The following CAST variants were observed in gnomAD, a reference collection of about 807,000 sequenced individuals.
CAST encodes MIR583 host.
CAST carries 76 observed loss-of-function variants against 119.6 expected under a neutral mutation model. That is an observed-to-expected ratio of 0.64 (90% CI 0.53 to 0.77). CAST has a LOEUF of 0.77. CAST is among the 30% of genes least tolerant of loss of function. CAST has a pLI of 0.00. For missense variants in CAST, 953 were observed against 946.5 expected, an observed-to-expected ratio of 1.01 and a Z score of -0.09; for synonymous variants, 319 against 331.6, an observed-to-expected ratio of 0.96 and a Z score of 0.41.
Position 96,593,849 on chromosome 5 carries a change from TG to T in CAST, c.60+63971del, listed in dbSNP as rs375928518. Among the ~76,000 whole-genome samples the T allele has an allele frequency of 7.7e-4, 118 of 152,358 alleles. 1 individual carries two copies. The South Asian group carries it at 0.024, about 31-fold the overall frequency. On this transcript the variant is annotated intron_variant, in intron 1 of 11. Coordinates refer to the CAST transcript ENST00000505143. ...CCTGACCACACTGGCACGCTGATCT[TG>T]GACTTACAGCCTCCAGAAGTGTGAG...
chr5:96,429,564 C>CGTATT, the CAST span, among the ~76,000 whole-genome samples: 1 of 152,104 alleles, frequency 6.6e-6, no homozygotes, highest in African/African-American at 2.4e-5. Flanking sequence ...GTATTAAGCC[C>CGTATT]AATACCCATT....
At chr5:96,502,219 C>T in the CAST span, among the ~76,000 whole-genome samples, 13 of 152,152 alleles carry the variant, frequency 8.5e-5, no homozygotes, top group Non-Finnish European at 7.4e-5. Flanking sequence ...AAAAATAACA[C>T]ATAATTCTAC....
the CAST span, among the ~76,000 whole-genome samples, chr5:96,035,041 G>GTATATATA: frequency 2.0e-4 from 22 of 107,982 alleles, 1 homozygote; most frequent in African/African-American, 7.6e-4. Flanking sequence ...TTGTATTTAA[G>GTATATATA]TATATATATA....
chr5:96,626,913 C>G (rs1323416099), intron 1 of CAST, among the ~76,000 whole-genome samples: 4 of 152,124 alleles, frequency 2.6e-5, no homozygotes, highest in African/African-American at 7.2e-5. Flanking sequence ...TAAGCTCTAT[C>G]CTTTATCTTT....
chr5:96,757,403 T>C (rs1766544851), intron 22 of CAST, 41 bp from the exon 23 acceptor site: 18 of 1,574,256 alleles, frequency 1.1e-5, no homozygotes, highest in Non-Finnish European at 1.4e-5. Context: ...TTGGATAAAA[T>C]GTAAAATGAT....
At chr5:96,068,367 G>A in the CAST span, among the ~76,000 whole-genome samples, 2 of 152,090 alleles carry the variant, frequency 1.3e-5, no homozygotes, top group African/African-American at 2.4e-5. Flanking sequence ...GATTCTTGAA[G>A]TCTCACCTTG....
At chr5:96,623,036 G>A (rs1230651963) in intron 1 of CAST, among the ~76,000 whole-genome samples, 3 of 151,504 alleles carry the variant, frequency 2.0e-5, no homozygotes, top group Non-Finnish European at 4.4e-5. Flanking sequence ...GCTAATTTTT[G>A]TATTTTTAGT....
At chr5:96,670,113 A>G (rs1749873351) in intron 1 of CAST, among the ~76,000 whole-genome samples, 1 of 152,128 alleles carries the variant, frequency 6.6e-6, no homozygotes, top group Non-Finnish European at 1.5e-5. Flanking sequence ...GAGCTCGGAG[A>G]GTCCAGAGGG....
At chr5:96,764,012 A>G (rs1194818547) in intron 25 of CAST, among the ~76,000 whole-genome samples, 1 of 152,228 alleles carries the variant, frequency 6.6e-6, no homozygotes, top group Non-Finnish European at 1.5e-5. Context: ...TGGGCATCAA[A>G]TAAAACTGGA....
upstream of CAST, among the ~76,000 whole-genome samples, chr5:96,521,837 G>T (rs1745523356): frequency 1.3e-5 from 2 of 152,214 alleles, no homozygotes; most frequent in Admixed American, 1.3e-4. Context: ...AAAATGACTA[G>T]GCCGGGTGCG....
the CAST span, chr5:96,215,000 T>C: frequency 6.6e-6 from 1 of 152,164 alleles, no homozygotes; most frequent in Admixed American, 6.6e-5. Flanking sequence ...CCTGATGTAG[T>C]AGCCACTGTA....
At chr5:96,210,049 T>A in the CAST span, 1 of 151,886 alleles carries the variant, frequency 6.6e-6, no homozygotes, top group Admixed American at 6.6e-5. Flanking sequence ...TTCTTTATAT[T>A]TGTCTGACTG....
intron 1 of CAST, among the ~76,000 whole-genome samples, chr5:96,642,818 G>A (rs1429932024): frequency 6.6e-6 from 1 of 152,086 alleles, no homozygotes; most frequent in Admixed American, 6.5e-5. Context: ...CAAAGTGCTG[G>A]GATTACAGGT....
the CAST span, among the ~76,000 whole-genome samples, chr5:96,294,811 G>A: frequency 6.6e-6 from 1 of 152,220 alleles, no homozygotes; most frequent in Non-Finnish European, 1.5e-5. Context: ...CTGTGCAGCT[G>A]TCAGCATAGA....
the CAST span, among the ~76,000 whole-genome samples, chr5:96,137,438 ATT>A: frequency 6.6e-6 from 1 of 152,100 alleles, no homozygotes; most frequent in Non-Finnish European, 1.5e-5. Context: ...CATCTTCCAG[ATT>A]TTGCTGATTA....
At chr5:96,511,751 T>C in the CAST span, among the ~76,000 whole-genome samples, 4 of 152,262 alleles carry the variant, frequency 2.6e-5, no homozygotes, top group African/African-American at 9.6e-5. Context: ...CTGAGAAGCA[T>C]GCAATCTTTC....
chr5:96,738,505 G>A (rs1441034421), intron 11 of CAST, among the ~76,000 whole-genome samples: 1 of 152,162 alleles, frequency 6.6e-6, no homozygotes, highest in African/African-American at 2.4e-5. Context: ...ACGGTCCACT[G>A]GGTCACACAC....
the CAST span, among the ~76,000 whole-genome samples, chr5:96,188,400 T>G: frequency 6.6e-6 from 1 of 152,190 alleles, no homozygotes; most frequent in Non-Finnish European, 1.5e-5. Context: ...GTGATGATTT[T>G]CTTCTCTAAA....
the CAST span, among the ~76,000 whole-genome samples, chr5:96,283,003 G>A: frequency 2.7e-5 from 4 of 150,568 alleles, no homozygotes; most frequent in African/African-American, 7.3e-5. Flanking sequence ...GATGGCGGGC[G>A]CCTGTAGTCC....
Sources: gnomAD v4.1 joint callset for allele counts (sites outside exome capture counted in the v4.1 genomes callset) on GRCh38, gnomAD v4.1.1 for gene constraint, MANE v1.5 for transcripts, NCBI Gene and HGNC (gene_info 2026-07-23, HGNC 2026-07-21) for gene names.